Variants in NRCAM observed in about 807,000 individuals in gnomAD.
NRCAM encodes neuronal cell adhesion molecule.
NRCAM carries 83 observed loss-of-function variants against 156.5 expected under a neutral mutation model. The observed-to-expected ratio is 0.53, with a 90% CI of 0.44 to 0.64. The LOEUF (loss-of-function observed/expected upper bound fraction) is 0.64. NRCAM is among the 30% of genes least tolerant of loss of function. NRCAM has a pLI of 0.00. For missense variants in NRCAM, 1,417 were observed against 1,597.3 expected (o/e 0.89, Z 1.92); for synonymous variants, 538 against 563.9 (o/e 0.95, Z 0.65).
chr7:108,249,489 A>C (rs2096200047), intron 3 of NRCAM, among the ~76,000 whole-genome samples: 1 of 152,234 alleles, frequency 6.6e-6, no homozygotes, highest in Admixed American at 6.5e-5. Context: ...TTCTTTATAC[A>C]GGCTATGTGA....
chr7:108,396,070 T>C (rs1412519567), intron 2 of NRCAM, among the ~76,000 whole-genome samples: 2 of 152,206 alleles, frequency 1.3e-5, no homozygotes, highest in Non-Finnish European at 2.9e-5. Context: ...CAACATGCTA[T>C]TTCCACTACC....
At chr7:108,350,348 G>GTAA (rs926879154) in intron 2 of NRCAM, among the ~76,000 whole-genome samples, 11 of 152,166 alleles carry the variant, frequency 7.2e-5, no homozygotes, top group African/African-American at 2.7e-4. Flanking sequence ...TTCCTTCTCT[G>GTAA]TAAGTATCTG....
At chr7:108,264,487 G>T (rs1274406565) in intron 3 of NRCAM, among the ~76,000 whole-genome samples, 2 of 152,194 alleles carry the variant, frequency 1.3e-5, no homozygotes, top group Non-Finnish European at 2.9e-5. Flanking sequence ...CAACAACACA[G>T]ATTATTCTTC....
At chr7:108,407,752 C>T (rs996309551) in intron 1 of NRCAM, among the ~76,000 whole-genome samples, 3 of 152,184 alleles carry the variant, frequency 2.0e-5, no homozygotes, top group Non-Finnish European at 4.4e-5. Flanking sequence ...GGTTTTAAAA[C>T]CACAGGCGAT....
chr7:108,363,587 T>A (rs1305324262), intron 2 of NRCAM, among the ~76,000 whole-genome samples: 1 of 152,196 alleles, frequency 6.6e-6, no homozygotes, highest in African/African-American at 2.4e-5. Context: ...TCATAGTGAC[T>A]TCCTTCCAAA....
chr7:108,238,786 G>A (rs543829211), intron 4 of NRCAM, among the ~76,000 whole-genome samples: 1 of 152,106 alleles, frequency 6.6e-6, no homozygotes, highest in Admixed American at 6.5e-5. Context: ...AAGGTCACTG[G>A]ATGAATTTTT....
chr7:108,183,338 T>A (rs2064612217), intron 22 of NRCAM, among the ~76,000 whole-genome samples: 1 of 152,238 alleles, frequency 6.6e-6, no homozygotes, highest in East Asian at 1.9e-4. Flanking sequence ...CCTGTCATTC[T>A]GTTGTTTCTA....
upstream of NRCAM, chr7:108,456,485 C>A (rs952957073): frequency 1.3e-5 from 2 of 151,808 alleles, no homozygotes; most frequent in Non-Finnish European, 2.9e-5. Flanking sequence ...CTCCGCTCCC[C>A]CTCCCCGCGC....
intron 11 of NRCAM, among the ~76,000 whole-genome samples, chr7:108,212,967 C>A (rs907567198): frequency 6.6e-6 from 1 of 151,980 alleles, no homozygotes; most frequent in Non-Finnish European, 1.5e-5. Flanking sequence ...GTTAAGATGA[C>A]GGAAATAATC....
At chr7:108,267,753 A>T (rs1269659) in intron 3 of NRCAM, among the ~76,000 whole-genome samples, 68,593 of 152,128 alleles carry the variant, frequency 0.45, 17,599 homozygotes, top group East Asian at 0.86. Context: ...ATTCCAGTCA[A>T]GTGACCCTCT....
chr7:108,150,065 T>C lies in NRCAM; in HGVS notation c.3760A>G (p.Ser1254Gly). 2 of 1,614,126 alleles carry C rather than the reference T, an allele frequency of 1.2e-6. No homozygotes were observed. The highest frequency in any genetic ancestry group is 1.7e-6 in the Non-Finnish European group (2 of 1,179,968). The part of the protein sequence containing the change: ...RTVKKEDSDD[S>G]LVDYGEGVNG... ...ACCCCTTCTCCATAGTCAACTAGGC[T>C]GTCGTCACTATCTTCTTTTTTCACA... Residue 1254 changes from serine (S) to glycine (G), a missense_variant, in exon 33 of 33, where the codon AGC becomes GGC. By Grantham distance (56) the Ser-to-Gly change is moderately conservative. Coordinates refer to ENST00000379028, the MANE Select transcript of NRCAM (RefSeq NM_001037132.4).
At position 108,177,883 on chromosome 7, in the gene NRCAM, T is replaced by G; in HGVS notation, c.2974+107A>C. 3 of 952,782 alleles carry G rather than the reference T, an allele frequency of 3.1e-6. No individual in the cohort carries two copies. In the South Asian group the frequency reaches 6.1e-5, roughly 19 times the overall value. The allele number at this position is 952,782 out of a possible 1,614,324, so 59.0% of individuals were successfully genotyped here. ...TCCCCTGATCTGATCACTATATGTA[T>G]CGAAACATCACTACGTACCCCATGA... On this transcript the variant is annotated intron_variant, in intron 26 of 32. Transcript: ENST00000379028.
At position 108,226,371 on chromosome 7, in the gene NRCAM, T is replaced by C. The variant is rs144506534; in HGVS notation, c.558A>G (p.Gln186=). The C allele has an allele frequency of 1.7e-5, 27 of 1,611,550 alleles. No homozygotes were observed. Among genetic ancestry groups the C allele is most frequent in the Non-Finnish European group, 2.3e-5 (27 of 1,178,706 alleles). Residue 186 remains glutamine, a synonymous_variant, in exon 9 of 33, where the codon CAA becomes CAG. Coordinates refer to ENST00000379028, the MANE Select transcript of NRCAM (RefSeq NM_001037132.4). The stretch of plus-strand genomic sequence containing the variant: ...AAACTCTCTCACTTTGTGGAAGTCT[T>C]TGAAAGGCTGGAGAAAGGCAGAGAG... ...PIIFWMDNSF[Q]RLPQSERVSQ... is the part of the protein sequence containing the mutation.
intron 3 of NRCAM, among the ~76,000 whole-genome samples, chr7:108,256,147 G>A (rs866666521): frequency 1.1e-3 from 173 of 151,464 alleles, no homozygotes; most frequent in African/African-American, 4.0e-3. Flanking sequence ...CATTGAGAAC[G>A]GGCCATGATG....
intron 2 of NRCAM, among the ~76,000 whole-genome samples, chr7:108,328,913 A>G (rs1008544476): frequency 6.6e-6 from 1 of 152,144 alleles, no homozygotes. Context: ...AGACACAATA[A>G]CTGCTGAGAC....
At chr7:108,431,066 T>C (rs1224160937) in intron 1 of NRCAM, among the ~76,000 whole-genome samples, 2 of 152,168 alleles carry the variant, frequency 1.3e-5, no homozygotes, top group African/African-American at 2.4e-5. Context: ...ATACTAATAT[T>C]TGCCACCATC....
At chr7:108,299,114 A>AAAAAAAAAAAAAAAAGAAAGAAAG in intron 3 of NRCAM, among the ~76,000 whole-genome samples, 12 of 25,514 alleles carry the variant, frequency 4.7e-4, no homozygotes, top group Admixed American at 7.2e-4. Flanking sequence ...TCAAAAAAAA[A>AAAAAAAAAAAAAAAAGAAAGAAAG]AAAGAAAGAA....
At chr7:108,166,863 G>A in intron 30 of NRCAM, 58 bp downstream of exon 30, 2 of 1,541,984 alleles carry the variant, frequency 1.3e-6, no homozygotes, top group Non-Finnish European at 1.8e-6. Context: ...TCCAGCTGGA[G>A]CACCTGGCGG....
At chr7:108,330,725 A>G (rs1223921732) in intron 2 of NRCAM, among the ~76,000 whole-genome samples, 1 of 152,166 alleles carries the variant, frequency 6.6e-6, no homozygotes, top group Admixed American at 6.5e-5. Context: ...CCTGACAGCA[A>G]TCACTCCTTT....
Sources: allele counts gnomAD v4.1 joint callset (sites outside exome capture counted in the v4.1 genomes callset), GRCh38; gene constraint gnomAD v4.1.1; transcripts MANE v1.5; gene names NCBI Gene and HGNC (gene_info 2026-07-23, HGNC 2026-07-21).